Variants in TMPRSS15 observed in about 807,000 individuals in gnomAD.
The protein encoded by TMPRSS15 is enteropeptidase.
TMPRSS15 carries 128 observed loss-of-function variants against 125.3 expected under a neutral mutation model. The observed-to-expected ratio is 1.02, with a 90% CI of 0.89 to 1.18. The LOEUF (loss-of-function observed/expected upper bound fraction) is 1.18. Among genes scored for constraint, TMPRSS15 ranks in the 50% most tolerant of loss-of-function variants. The pLI is 0.00. For synonymous variants in TMPRSS15, 446 were observed against 423.2 expected (o/e 1.05, Z -0.66); for missense variants, 1,283 against 1,212.7 (o/e 1.06, Z -0.86).
chr21:18,335,575 T>A (rs2075383922), intron 13 of TMPRSS15, among the ~76,000 whole-genome samples: 1 of 152,226 alleles, frequency 6.6e-6, no homozygotes, highest in Non-Finnish European at 1.5e-5. Flanking sequence ...AATGCATCCC[T>A]TTAAAATACT....
chr21:18,483,255 T>C (rs936172650), intron 1 of TMPRSS15, among the ~76,000 whole-genome samples: 5 of 151,894 alleles, frequency 3.3e-5, no homozygotes, highest in Admixed American at 3.3e-4. Context: ...AATGTGAGTT[T>C]CCGGCAGGGA....
chr21:18,290,205 T>C (rs575907714), intron 21 of TMPRSS15, among the ~76,000 whole-genome samples: 23 of 152,316 alleles, frequency 1.5e-4, no homozygotes, highest in Non-Finnish European at 2.8e-4. Flanking sequence ...CTATTGGAGT[T>C]GGAGTCATTG....
At chr21:18,480,864 T>C (rs933533557) in intron 1 of TMPRSS15, among the ~76,000 whole-genome samples, 2 of 151,856 alleles carry the variant, frequency 1.3e-5, no homozygotes, top group East Asian at 1.9e-4. Flanking sequence ...CTAAGGGTCA[T>C]TGGAGGCTGC....
intron 18 of TMPRSS15, among the ~76,000 whole-genome samples, chr21:18,310,778 A>G (rs964668990): frequency 1.3e-5 from 2 of 152,128 alleles, no homozygotes; most frequent in African/African-American, 2.4e-5. Flanking sequence ...CAAAAAGAAC[A>G]AAACTGGAGG....
intron 1 of TMPRSS15, among the ~76,000 whole-genome samples, chr21:18,401,516 T>A (rs1222849267): frequency 6.6e-6 from 1 of 151,998 alleles, no homozygotes; most frequent in Non-Finnish European, 1.5e-5. Flanking sequence ...CAAGCATAAG[T>A]GGGAGCTAAA....
chr21:18,322,385 A>G (rs2075247717), intron 16 of TMPRSS15, among the ~76,000 whole-genome samples: 1 of 152,224 alleles, frequency 6.6e-6, no homozygotes, highest in East Asian at 1.9e-4. Context: ...ATATTTATCC[A>G]AAAGAAAGAA....
intron 13 of TMPRSS15, among the ~76,000 whole-genome samples, chr21:18,339,329 T>A (rs2075424600): frequency 6.6e-6 from 1 of 152,202 alleles, no homozygotes; most frequent in Non-Finnish European, 1.5e-5. Flanking sequence ...ATATAACTAC[T>A]GTCTTCAACC....
chr21:18,377,726 C>A (rs548799432), intron 5 of TMPRSS15, among the ~76,000 whole-genome samples: 2 of 152,126 alleles, frequency 1.3e-5, no homozygotes, highest in East Asian at 1.9e-4. Flanking sequence ...AAAGACAGGG[C>A]TAAGTGTACA....
intron 6 of TMPRSS15, 96 bp downstream of exon 6, chr21:18,372,097 A>AGTGT (rs1601405253): frequency 4.0e-6 from 2 of 497,172 alleles, no homozygotes; most frequent in Non-Finnish European, 5.8e-6. Flanking sequence ...TTGAGATTAG[A>AGTGT]ATGTGTGTGT....
At chr21:18,379,067 G>C (rs1398994791) in intron 5 of TMPRSS15, among the ~76,000 whole-genome samples, 1 of 152,052 alleles carries the variant, frequency 6.6e-6, no homozygotes, top group African/African-American at 2.4e-5. Flanking sequence ...GAGGATAAAA[G>C]TGAAATCTGA....
intron 3 of TMPRSS15, among the ~76,000 whole-genome samples, chr21:18,395,909 A>G (rs2076030140): frequency 6.6e-6 from 1 of 152,298 alleles, no homozygotes; most frequent in South Asian, 2.1e-4. Context: ...GAAAACCCAT[A>G]GGGAGGCTGT....
rs111560703 is a variant in TMPRSS15 at position 18,269,674 on chromosome 21, G to C, written c.*295C>G. ...TAAAATAACATCCCTTTAAACAACA[G>C]TAAGTAATAAAAATAATCATTAAGA... is the stretch of plus-strand genomic sequence containing the variant. On this transcript the variant is annotated 3_prime_UTR_variant, in exon 25 of 25. Coordinates refer to ENST00000284885, the MANE Select transcript of TMPRSS15 (RefSeq NM_002772.3). 7.1e-5 allele frequency: 23 copies of C among 325,082 alleles called. No individual in the cohort carries two copies. The highest frequency in any genetic ancestry group is 4.7e-4 in the African/African-American group (22 of 46,522). The allele number at this position is 325,082 out of a possible 1,614,324, so 20.1% of individuals were successfully genotyped here. A position where few individuals can be genotyped will look rare whatever the true frequency, so the allele number is the denominator to read the frequency against.
At chr21:18,463,373 T>TAAAGGGATCA (rs1978590672) in intron 1 of TMPRSS15, among the ~76,000 whole-genome samples, 1 of 149,858 alleles carries the variant, frequency 6.7e-6, no homozygotes, top group African/African-American at 2.5e-5. Context: ...TACCTCATGG[T>TAAAGGGATCA]AAAGGGATCA....
chr21:18,294,844 T>C (rs2074883186), intron 19 of TMPRSS15, among the ~76,000 whole-genome samples, 192 bp from the exon 20 acceptor site: 1 of 152,208 alleles, frequency 6.6e-6, no homozygotes, highest in Non-Finnish European at 1.5e-5. Context: ...TTTGCATCCT[T>C]ATTCTACCAT....
Position 18,344,068 on chromosome 21 carries a change from A to T in TMPRSS15, c.1172-8T>A. 1 of 1,605,802 alleles carries T rather than the reference A, an allele frequency of 6.2e-7. No homozygotes were observed. The highest frequency in any genetic ancestry group is 8.5e-7 in the Non-Finnish European group (1 of 1,173,544). On this transcript the variant is annotated splice_polypyrimidine_tract_variant and splice_region_variant and intron_variant, in intron 10 of 24. Transcript: ENST00000284885. ...GGGTAGAAATGTAAAATCCTGTAAA[A>T]ATATCAAAAAAAATTTATTTCACTT... is the stretch of plus-strand genomic sequence containing the variant.
intron 1 of TMPRSS15, among the ~76,000 whole-genome samples, chr21:18,420,074 AT>A (rs1569065270): frequency 6.6e-6 from 1 of 152,226 alleles, no homozygotes; most frequent in Non-Finnish European, 1.5e-5. Context: ...AATTTTAAAA[AT>A]ATGTATAGGA....
rs548957873 is a variant in TMPRSS15, at chr21:18,470,110, C to G, written c.10+15689G>C. Among the ~76,000 whole-genome samples, 15 of 152,078 alleles carry G rather than the reference C, an allele frequency of 9.9e-5. No individual in the cohort carries two copies. The East Asian group carries it at 2.9e-3, about 29-fold the overall frequency. ...ACTAGAGTCATGAATACTATAGAGT[C>G]AGGAATACTGGAGCAAGTCAGGATT... On this transcript the variant is annotated intron_variant, in intron 1 of 7. Coordinates refer to the TMPRSS15 transcript ENST00000422787.
chr21:18,298,534 C>T (rs569094721), intron 18 of TMPRSS15, among the ~76,000 whole-genome samples: 2 of 152,294 alleles, frequency 1.3e-5, no homozygotes, highest in Admixed American at 1.3e-4. Context: ...CCTATAATTC[C>T]CATGCTCTCA....
chr21:18,334,597 G>T (rs1330271281), intron 13 of TMPRSS15, among the ~76,000 whole-genome samples: 2 of 152,090 alleles, frequency 1.3e-5, no homozygotes, highest in Non-Finnish European at 2.9e-5. Context: ...ACTTAGTACT[G>T]GTTTTCAAGG....
Sources: allele counts gnomAD v4.1 joint callset (sites outside exome capture counted in the v4.1 genomes callset), GRCh38; gene constraint gnomAD v4.1.1; transcripts MANE v1.5; gene names NCBI Gene and HGNC (gene_info 2026-07-23, HGNC 2026-07-21).